ZMIZ2: variants seen among roughly 807,000 people sequenced by gnomAD.
ZMIZ2 encodes the protein zinc finger MIZ domain-containing protein 2.
ZMIZ2 carries 26 observed loss-of-function variants against 93.9 expected under a neutral mutation model. The observed-to-expected ratio is 0.28, with a 90% CI of 0.20 to 0.38. The LOEUF is 0.38. ZMIZ2 is among the 10% of genes least tolerant of loss of function. The pLI is 1.00. For synonymous variants in ZMIZ2, 485 were observed against 516.4 expected (o/e 0.94, Z 0.82); for missense variants, 1,023 against 1,235.0 (o/e 0.83, Z 2.57).
rs1260899526 is a variant in ZMIZ2 at position 44,765,892 on chromosome 7, G to A, written c.2243-272G>A. On this transcript the variant is annotated intron_variant, in intron 16 of 18. Transcript: ENST00000309315. The surrounding 1 kb of genome is among the most constrained non-coding windows in gnomAD (Gnocchi z 4.1). Reference sequence around the variant, plus strand: ...GGCCCCATCTGGGGCCCCCCTCTGGGACCCACCTCACACGCGTGGTGCGTT... The same window carrying A: ...GGCCCCATCTGGGGCCCCCCTCTGGAACCCACCTCACACGCGTGGTGCGTT... 1 of 1,377,830 alleles carries A rather than the reference G, an allele frequency of 7.3e-7. No homozygotes were observed. The highest frequency in any genetic ancestry group is 9.4e-7 in the Non-Finnish European group (1 of 1,063,640). The allele number at this position is 1,377,830 out of a possible 1,614,324, so 85.4% of individuals were successfully genotyped here.
intron 3 of ZMIZ2, 166 bp downstream of exon 3, chr7:44,756,705 T>C: frequency 1.3e-6 from 1 of 796,868 alleles, no homozygotes; most frequent in Non-Finnish European, 2.0e-6. Context: ...CCTAAGTCTT[T>C]GGACACTGGT....
At chr7:44,759,943 C>T (rs1329552241) in intron 7 of ZMIZ2, 9 of 605,566 alleles carry the variant, frequency 1.5e-5, no homozygotes, top group Non-Finnish European at 2.0e-5. Flanking sequence ...GAGGGCTTAG[C>T]GTGCTTTTGT....
At chr7:44,759,196 T>C (rs1461052917) in intron 6 of ZMIZ2, 85 bp from the exon 7 acceptor site, 1 of 1,291,028 alleles carries the variant, frequency 7.7e-7, no homozygotes, top group Non-Finnish European at 1.0e-6. Flanking sequence ...CCCCGAACCC[T>C]GCCACACATG....
chr7:44,754,172 C>G (rs1790392777), intron 1 of ZMIZ2, among the ~76,000 whole-genome samples: 2 of 152,192 alleles, frequency 1.3e-5, no homozygotes, highest in African/African-American at 4.8e-5. Flanking sequence ...CCTCTGTCCC[C>G]CAACATCACT....
chr7:44,757,036 C>G lies in ZMIZ2; in HGVS notation c.255C>G (p.Ser85=). ...GVAGGSSALT[S]PQCLGQQAFA... ...CAGGGGGCAGCTCCGCCTTGACCTC[C>G]CCACAGTGCCTGGGACAGCAGGCGT... The change falls in exon 4 of 19, where the codon TCC becomes TCG. Residue 85 remains serine, a synonymous_variant. Coordinates refer to ENST00000309315, the MANE Select transcript of ZMIZ2 (RefSeq NM_031449.4). 6.2e-7 allele frequency: 1 copy of G among 1,611,944 alleles called. No homozygotes were observed. Among genetic ancestry groups the G allele is most frequent in the Admixed American group, 1.7e-5 (1 of 59,418 alleles).
rs1168506979 is a variant in ZMIZ2 at position 44,768,123 on chromosome 7, C to T, written c.*500C>T. 1 of 165,224 alleles carries T rather than the reference C, an allele frequency of 6.1e-6. No individual in the cohort carries two copies. Among genetic ancestry groups the T allele is most frequent in the South Asian group, 1.6e-4 (1 of 6,080 alleles). The allele number at this position is 165,224 out of a possible 1,614,324, so 10.2% of individuals were successfully genotyped here. On this transcript the variant is annotated 3_prime_UTR_variant, in exon 19 of 19. Coordinates refer to ENST00000309315, the MANE Select transcript of ZMIZ2 (RefSeq NM_031449.4). The stretch of plus-strand genomic sequence containing the variant: ...GTGCCCAGCAGTCCAGCTCTTGGAA[C>T]CTCGCTGAATGGCAGCCTCTTGGGG...
At position 44,756,378 on chromosome 7, in the gene ZMIZ2, C is replaced by T. The variant is rs759654201; in HGVS notation, c.51-47C>T. On this transcript the variant is annotated intron_variant, in intron 2 of 18. Coordinates refer to ENST00000309315, the MANE Select transcript of ZMIZ2 (RefSeq NM_031449.4). ...TTCTGGAAGATCCTAGACTCTTGGA[C>T]ACCAGTGGCTTCCTGACCCAGGCCT... 55 of 1,613,830 alleles carry T rather than the reference C, an allele frequency of 3.4e-5. No individual in the cohort carries two copies. In the East Asian group the frequency reaches 1.0e-3, roughly 30 times the overall value.
Position 44,760,357 on chromosome 7 carries a change from G to T in ZMIZ2, c.1072-68G>T. On this transcript the variant is annotated intron_variant, in intron 8 of 18. Transcript: ENST00000309315. ...TGTTATCATGGTTCCCAGTGGGTGC[G>T]CCGTGAACAGACTCCACTCCCATCC... 1.9e-6 allele frequency: 3 copies of T among 1,588,930 alleles called. No individual in the cohort carries two copies. The Admixed American group carries it at 5.1e-5, about 27-fold the overall frequency.
rs986171366 is a variant in ZMIZ2 at position 44,769,506 on chromosome 7, C to G, written c.*1883C>G. ...ACAGAAGTGGAGGAAACAAAAGAAG[C>G]AGCAGCACGCACAGTCCTGTCGCTG... is the stretch of plus-strand genomic sequence containing the variant. On this transcript the variant is annotated 3_prime_UTR_variant, in exon 19 of 19. Transcript: ENST00000309315. The G allele has an allele frequency of 2.0e-5, 3 of 152,762 alleles. No homozygotes were observed. Among genetic ancestry groups the G allele is most frequent in the African/African-American group, 7.2e-5 (3 of 41,466 alleles). 9.5% of individuals were successfully genotyped at this position (152,762 alleles called of 1,614,324 possible).
At position 44,766,606 on chromosome 7, in the gene ZMIZ2, C is replaced by G; in HGVS notation, c.2598C>G (p.Gly866=). The G allele has an allele frequency of 6.2e-7, 1 of 1,613,388 alleles. No individual in the cohort carries two copies. The highest frequency in any genetic ancestry group is 8.5e-7 in the Non-Finnish European group (1 of 1,180,008). ...AACTGGCCTTCAGTCCTGCCACAGG[C>G]GTGATGGGGCCCCCCAGCATGTCTG... ...TGELAFSPAT[G]VMGPPSMSGA... The change falls in exon 18 of 19, where the codon GGC becomes GGG. Residue 866 remains glycine, a synonymous_variant. Coordinates refer to ENST00000309315, the MANE Select transcript of ZMIZ2 (RefSeq NM_031449.4). This position sits in a 1 kb window ranked among gnomAD's most constrained non-coding sequence, Gnocchi z 4.4.
In ZMIZ2 at chr7:44,767,878, G is replaced by T. The variant is rs529820870; in HGVS notation, c.*255G>T. On this transcript the variant is annotated 3_prime_UTR_variant, in exon 19 of 19. Transcript: ENST00000309315. ...CTGCTGCTGCAGAACGGTTTTTGCT[G>T]AGGTGCCCCTGCCCAGCCCTGTCCA... is the stretch of plus-strand genomic sequence containing the variant. 1.1e-4 allele frequency: 59 copies of T among 555,248 alleles called. No homozygotes were observed. The highest frequency in any genetic ancestry group is 1.0e-3 in the African/African-American group (53 of 52,918). The allele number at this position is 555,248 out of a possible 1,614,324, so 34.4% of individuals were successfully genotyped here. A position where few individuals can be genotyped will look rare whatever the true frequency, so the allele number is the denominator to read the frequency against.
intron 1 of ZMIZ2, among the ~76,000 whole-genome samples, chr7:44,750,347 C>T (rs1790028980): frequency 6.6e-6 from 1 of 152,212 alleles, no homozygotes; most frequent in South Asian, 2.1e-4. Context: ...GTACTGTGGC[C>T]TTACAGGTAG....
At chr7:44,753,252 G>A (rs1264892886) in intron 1 of ZMIZ2, among the ~76,000 whole-genome samples, 2 of 139,428 alleles carry the variant, frequency 1.4e-5, no homozygotes, top group East Asian at 4.1e-4. Flanking sequence ...TTTTTGTTTT[G>A]TTTTGTTTTT....
chr7:44,767,708 C>A lies in ZMIZ2; in HGVS notation c.*85C>A. Reference sequence around the variant, plus strand: ...CTTCATGCCCAGCCCCATGGGACACCCGGTGGTCTTTCCCAAACCTCCCCC... The same window carrying A: ...CTTCATGCCCAGCCCCATGGGACACACGGTGGTCTTTCCCAAACCTCCCCC... On this transcript the variant is annotated 3_prime_UTR_variant, in exon 19 of 19. Coordinates refer to ENST00000309315, the MANE Select transcript of ZMIZ2 (RefSeq NM_031449.4). 7.9e-7 allele frequency: 1 copy of A among 1,270,150 alleles called. No individual in the cohort carries two copies. Among genetic ancestry groups the A allele is most frequent in the Non-Finnish European group, 1.1e-6 (1 of 882,324 alleles). 78.7% of individuals were successfully genotyped at this position (1,270,150 alleles called of 1,614,324 possible). A position where few individuals can be genotyped will look rare whatever the true frequency, so the allele number is the denominator to read the frequency against.
At chr7:44,754,632 C>T (rs1790438079) in intron 1 of ZMIZ2, among the ~76,000 whole-genome samples, 1 of 152,156 alleles carries the variant, frequency 6.6e-6, no homozygotes, top group Admixed American at 6.5e-5. Flanking sequence ...ATTGGTGAGG[C>T]CCTCGGTCAG....
rs762446466 is a variant in ZMIZ2 at position 44,756,761 on chromosome 7, T to C, written c.166-186T>C. On this transcript the variant is annotated intron_variant, in intron 3 of 18. Transcript: ENST00000309315. ...GGGATTTTCTTCTCCTGTCTTCACC[T>C]AGCCTTCACAAAATGCCCCAACCTC... 5.1e-5 allele frequency: 42 copies of C among 815,588 alleles called. 1 individual carries two copies. Among genetic ancestry groups the C allele is most frequent in the African/African-American group, 1.0e-4 (6 of 58,054 alleles). 50.5% of individuals were successfully genotyped at this position (815,588 alleles called of 1,614,324 possible). A position where few individuals can be genotyped will look rare whatever the true frequency, so the allele number is the denominator to read the frequency against.
At chr7:44,751,694 A>T (rs1379246592) in intron 1 of ZMIZ2, among the ~76,000 whole-genome samples, 1 of 152,206 alleles carries the variant, frequency 6.6e-6, no homozygotes, top group African/African-American at 2.4e-5. Flanking sequence ...AGTGGTGCTC[A>T]CCTCTAATCC....
rs1210670438 is a variant in ZMIZ2 at position 44,760,207 on chromosome 7, C to T, written c.1050C>T (p.Tyr350=). Residue 350 remains tyrosine (Y), a synonymous_variant, in exon 8 of 19, where the codon TAC becomes TAT. Transcript: ENST00000309315. Reference sequence around the variant, plus strand: ...GCTTCAACGGGGGCAGCGTCAGCTACAGCCAACCTGGCCTGAGTGGGGTAG... The same window carrying T: ...GCTTCAACGGGGGCAGCGTCAGCTATAGCCAACCTGGCCTGAGTGGGGTAG... ...GASFNGGSVS[Y]SQPGLSGPTR... is the part of the protein sequence containing the mutation. 6.2e-7 allele frequency: 1 copy of T among 1,613,236 alleles called. No homozygotes were observed. Among genetic ancestry groups the T allele is most frequent in the South Asian group, 1.1e-5 (1 of 91,018 alleles).
At chr7:44,752,537 C>A (rs1421509674) in intron 1 of ZMIZ2, among the ~76,000 whole-genome samples, 1 of 152,116 alleles carries the variant, frequency 6.6e-6, no homozygotes, top group Non-Finnish European at 1.5e-5. Context: ...CACATTTAAC[C>A]CCTGGCAATC....
Sources: gnomAD v4.1 joint callset for allele counts (sites outside exome capture counted in the v4.1 genomes callset) on GRCh38, gnomAD v4.1.1 for gene constraint, Gnocchi (gnomAD v3.1) non-coding constraint, MANE v1.5 for transcripts, NCBI Gene and HGNC (gene_info 2026-07-23, HGNC 2026-07-21) for gene names.